Variants in CCDC148 observed in about 807,000 individuals in gnomAD.
CCDC148 encodes the protein coiled-coil domain containing 148, also known as coiled-coil domain-containing protein 148.
Under a neutral mutation model 85.7 loss-of-function variants are expected in CCDC148, and 89 were observed. The observed-to-expected ratio is 1.04, with a 90% confidence interval of 0.87 to 1.24. The LOEUF (loss-of-function observed/expected upper bound fraction) is 1.24. CCDC148 is among the 50% of genes most tolerant of loss of function. The pLI is 0.00. For missense variants in CCDC148, 692 were observed against 671.7 expected (o/e 1.03, Z -0.33); for synonymous variants, 230 against 213.9 (o/e 1.08, Z -0.66).
chr2:158,202,356 G>A (rs1042755246), intron 11 of CCDC148, among the ~76,000 whole-genome samples: 4 of 152,216 alleles, frequency 2.6e-5, no homozygotes, highest in African/African-American at 9.6e-5. Context: ...TAGGCAGAAA[G>A]GAATGCAATC....
At chr2:158,344,670 A>C (rs942829400) in intron 3 of CCDC148, among the ~76,000 whole-genome samples, 13 of 152,112 alleles carry the variant, frequency 8.5e-5, no homozygotes, top group Non-Finnish European at 1.8e-4. Context: ...TTTTATCTTT[A>C]CGTGACAGCT....
At chr2:158,239,769 T>G (rs959695801) in intron 10 of CCDC148, among the ~76,000 whole-genome samples, 1 of 152,146 alleles carries the variant, frequency 6.6e-6, no homozygotes, top group Non-Finnish European at 1.5e-5. Flanking sequence ...GAACCAATAT[T>G]AAATCTTCAG....
chr2:158,335,281 G>A (rs1682313637), intron 7 of CCDC148, among the ~76,000 whole-genome samples: 2 of 152,172 alleles, frequency 1.3e-5, no homozygotes, highest in South Asian at 2.1e-4. Flanking sequence ...CAAAAGTCCT[G>A]AGCTTTGCTC....
chr2:158,251,072 G>GT (rs1688773962), intron 9 of CCDC148, among the ~76,000 whole-genome samples, 160 bp from the exon 10 acceptor site: 1 of 151,580 alleles, frequency 6.6e-6, no homozygotes, highest in Non-Finnish European at 1.5e-5. Flanking sequence ...TCTGTGAAAC[G>GT]TGTGTGTTAG....
chr2:158,455,540 C>T (rs1034890264), intron 1 of CCDC148, among the ~76,000 whole-genome samples: 2 of 152,214 alleles, frequency 1.3e-5, no homozygotes, highest in East Asian at 3.8e-4. Context: ...CTTGCACACA[C>T]ATTAACCTGT....
At chr2:158,415,766 C>T (rs1686471434) in intron 1 of CCDC148, among the ~76,000 whole-genome samples, 1 of 152,188 alleles carries the variant, frequency 6.6e-6, no homozygotes, top group Non-Finnish European at 1.5e-5. Context: ...GTCACTAAAT[C>T]TTAAAGCTCT....
intron 9 of CCDC148, chr2:158,288,865 T>C (rs1261710175): frequency 6.6e-6 from 2 of 304,226 alleles, no homozygotes; most frequent in African/African-American, 2.2e-5. Flanking sequence ...TTAATTGGAC[T>C]TACAGTTCCA....
intron 7 of CCDC148, among the ~76,000 whole-genome samples, chr2:158,322,475 ACATT>A (rs1355822133): frequency 6.6e-6 from 1 of 152,056 alleles, no homozygotes; most frequent in African/African-American, 2.4e-5. Flanking sequence ...TTTATAAACA[ACATT>A]CATACATCTG....
At chr2:158,242,045 T>C (rs1442329059) in intron 10 of CCDC148, among the ~76,000 whole-genome samples, 3 of 152,130 alleles carry the variant, frequency 2.0e-5, no homozygotes, top group Non-Finnish European at 4.4e-5. Context: ...GATAACTATT[T>C]CTGCATGCCC....
At chr2:158,254,985 CAAAAA>C (rs58809618) in intron 9 of CCDC148, among the ~76,000 whole-genome samples, 1 of 131,124 alleles carries the variant, frequency 7.6e-6, no homozygotes, top group Non-Finnish European at 1.7e-5. Flanking sequence ...TTCTTTTCTC[CAAAAA>C]AAAAAAAAAA....
rs559851149 is a variant in CCDC148 at position 158,188,625 on chromosome 2, C to A, written c.1371-9629G>T. On this transcript the variant is annotated intron_variant, in intron 11 of 13. Transcript: ENST00000283233. The stretch of plus-strand genomic sequence containing the variant: ...GATTAAAAGCTTAAGAATAAGAAAT[C>A]AAACTATAAAACTCATAGAAGAAAA... 6.6e-5 allele frequency among the ~76,000 whole-genome samples: 10 copies of A among 151,892 alleles called. No homozygotes were observed. The East Asian group carries it at 1.9e-3, about 29-fold the overall frequency.
intron 9 of CCDC148, among the ~76,000 whole-genome samples, chr2:158,279,981 TAAAG>T (rs1229219733): frequency 6.6e-6 from 1 of 151,566 alleles, no homozygotes; most frequent in East Asian, 1.9e-4. Context: ...TCAACATTCT[TAAAG>T]AAAAGAATTT....
intron 2 of CCDC148, among the ~76,000 whole-genome samples, chr2:158,352,697 C>A (rs1165179369): frequency 2.0e-5 from 3 of 151,554 alleles, no homozygotes; most frequent in Non-Finnish European, 2.9e-5. Flanking sequence ...CAAGGCAGGC[C>A]AATGTTCAGA....
At chr2:158,359,716 A>G (rs1276510847) in intron 1 of CCDC148, among the ~76,000 whole-genome samples, 2 of 152,172 alleles carry the variant, frequency 1.3e-5, no homozygotes, top group Admixed American at 1.3e-4. Flanking sequence ...TCAAATGCCT[A>G]TGCCACCAGA....
At chr2:158,341,309 A>ATTTTT (rs10552652) in intron 3 of CCDC148, among the ~76,000 whole-genome samples, 1 of 138,790 alleles carries the variant, frequency 7.2e-6, no homozygotes, top group Non-Finnish European at 1.6e-5. Flanking sequence ...GTACATACAT[A>ATTTTT]TTTTTTTTTT....
intron 7 of CCDC148, among the ~76,000 whole-genome samples, chr2:158,328,758 T>C (rs1257643233): frequency 6.6e-5 from 10 of 152,238 alleles, no homozygotes; most frequent in Admixed American, 6.5e-4. Context: ...ATTTCTCTGA[T>C]GGCCAGTGAT....
intron 2 of CCDC148, among the ~76,000 whole-genome samples, chr2:158,351,365 T>C (rs928957449): frequency 3.9e-5 from 6 of 152,224 alleles, no homozygotes; most frequent in South Asian, 2.1e-4. Flanking sequence ...TGGGCGCAGG[T>C]CAGTGGGTGG....
At chr2:158,318,635 A>G (rs1574613030) in intron 7 of CCDC148, among the ~76,000 whole-genome samples, 1 of 151,784 alleles carries the variant, frequency 6.6e-6, no homozygotes, top group African/African-American at 2.4e-5. Context: ...TTTTACTTAG[A>G]ATGTATATTT....
intron 7 of CCDC148, among the ~76,000 whole-genome samples, chr2:158,333,039 C>T (rs184663790): frequency 6.6e-6 from 1 of 151,960 alleles, no homozygotes; most frequent in Non-Finnish European, 1.5e-5. Context: ...TCTTTCAGTT[C>T]TGCTCTGATC....
Sources: allele counts gnomAD v4.1 joint callset (sites outside exome capture counted in the v4.1 genomes callset), GRCh38; gene constraint gnomAD v4.1.1; transcripts MANE v1.5; gene names NCBI Gene and HGNC (gene_info 2026-07-23, HGNC 2026-07-21).